ABCF2: variants seen among roughly 807,000 people sequenced by gnomAD.
ABCF2 encodes ATP-binding cassette sub-family F member 2.
Under a neutral mutation model 76.9 loss-of-function variants are expected in ABCF2, and 37 were observed. The ratio of observed to expected loss-of-function variants is 0.48; its 90% confidence interval spans 0.37 to 0.63. ABCF2 has a LOEUF of 0.63. Ranked by LOEUF, ABCF2 falls within the 30% of genes least tolerant of loss-of-function variation. The pLI, the probability that ABCF2 is intolerant of heterozygous loss-of-function variation, is 0.00. For synonymous variants in ABCF2, 299 were observed against 283.7 expected, an observed-to-expected ratio of 1.05 and a Z score of -0.54; for missense variants, 524 against 782.1, an observed-to-expected ratio of 0.67 and a Z score of 3.94.
chr7:151,218,278 C>G (rs1802192409), intron 10 of ABCF2, 87 bp from the exon 11 acceptor site: 1 of 978,712 alleles, frequency 1.0e-6, no homozygotes, highest in African/African-American at 1.6e-5. Flanking sequence ...AATTCCCAGT[C>G]ACCAAGAGAG....
chr7:151,219,201 G>A (rs1218430470), intron 7 of ABCF2, 42 bp from the exon 8 acceptor site: 1 of 1,563,972 alleles, frequency 6.4e-7, no homozygotes. Context: ...GCTTTAACCT[G>A]GGTTTCAATC....
At chr7:151,223,597 C>A (rs999987207) in intron 5 of ABCF2, 81 bp downstream of exon 5, 39 of 1,460,122 alleles carry the variant, frequency 2.7e-5, no homozygotes, top group Admixed American at 4.4e-5. Context: ...GACTCCTGTT[C>A]CAAACAGTTC....
chr7:151,213,441 G>A lies in ABCF2; in HGVS notation c.*613C>T, dbSNP rs1429575877. Reference sequence around the variant, plus strand: ...ACTGACGCTGGATCCAGCTCCTGCTGTGGGCAGTGCATGTTGGCACTGCAG... The same window carrying A: ...ACTGACGCTGGATCCAGCTCCTGCTATGGGCAGTGCATGTTGGCACTGCAG... On this transcript the variant is annotated 3_prime_UTR_variant, in exon 15 of 15. Coordinates refer to ENST00000287844, the MANE Select transcript of ABCF2 (RefSeq NM_007189.3). 6 of 985,174 alleles carry A rather than the reference G, an allele frequency of 6.1e-6. No homozygotes were observed. The highest frequency in any genetic ancestry group is 7.2e-6 in the Non-Finnish European group (6 of 829,704). 61.0% of individuals were successfully genotyped at this position (985,174 alleles called of 1,614,324 possible).
rs763245839 is a variant in ABCF2, at chr7:151,215,528, A to G, written c.1530+76T>C. The G allele has an allele frequency of 2.2e-4, 353 of 1,578,532 alleles. No homozygotes were observed. The highest frequency in any genetic ancestry group is 2.9e-4 in the Non-Finnish European group (334 of 1,158,964). ...GGACAGCTTCCAAACCCAGGCTGCCAGGACAGTATCCCCTGACCCACCCAG... is the reference window on the plus strand; with the variant it reads ...GGACAGCTTCCAAACCCAGGCTGCCGGGACAGTATCCCCTGACCCACCCAG... On this transcript the variant is annotated intron_variant, in intron 13 of 14. Transcript: ENST00000287844. This position sits in a 1 kb window ranked among gnomAD's most constrained non-coding sequence, Gnocchi z 4.6.
rs1425466403 is a variant in ABCF2, at chr7:151,213,320, A to C, written c.*734T>G. On this transcript the variant is annotated 3_prime_UTR_variant, in exon 15 of 15. Coordinates refer to ENST00000287844, the MANE Select transcript of ABCF2 (RefSeq NM_007189.3). ...ATTCTGATTCATGTTAAAGTCTGTG[A>C]ATCACAGGCCTGAGAAAAGGTACAA... 4 of 984,758 alleles carry C rather than the reference A, an allele frequency of 4.1e-6. No individual in the cohort carries two copies. The highest frequency in any genetic ancestry group is 4.8e-6 in the Non-Finnish European group (4 of 829,456). The allele number at this position is 984,758 out of a possible 1,614,324, so 61.0% of individuals were successfully genotyped here.
At chr7:151,218,686 CT>C (rs768386601) in intron 9 of ABCF2, 36 bp from the exon 10 acceptor site, 16 of 1,613,538 alleles carry the variant, frequency 9.9e-6, no homozygotes, top group Middle Eastern at 3.3e-4. Flanking sequence ...AAGTTGGCTC[CT>C]TTCTTATCCA....
At chr7:151,220,734 T>A (rs1802250244) in intron 7 of ABCF2, among the ~76,000 whole-genome samples, 1 of 152,180 alleles carries the variant, frequency 6.6e-6, no homozygotes, top group Non-Finnish European at 1.5e-5. Context: ...ATGCCTGTTA[T>A]CCCAGCACTT....
At chr7:151,225,548 C>T (rs1421603926) in intron 2 of ABCF2, among the ~76,000 whole-genome samples, 1 of 152,178 alleles carries the variant, frequency 6.6e-6, no homozygotes, top group Admixed American at 6.5e-5. Context: ...TTGAGCTGGG[C>T]CTTGACAGAA....
rs1310199509 is a variant in ABCF2, at chr7:151,218,173, G to C, written c.1246C>G (p.Leu416Val). ...GTGTCAAGGTCAATTCCAAATTCTA[G>C]ATTATTGTAGATGCAAGGCTGAGGT... ...TKDGPCIYNN[L>V]EFGIDLDTRV... is the part of the protein sequence containing the mutation. The change falls in exon 11 of 15, where the codon CTA (leucine) becomes GTA (valine). Residue 416 changes from leucine (L) to valine (V), a missense_variant. Leu to Val is a conservative substitution (Grantham distance 32). Transcript: ENST00000287844. 2 of 1,613,076 alleles carry C rather than the reference G, an allele frequency of 1.2e-6. No individual in the cohort carries two copies. The highest frequency in any genetic ancestry group is 1.1e-5 in the South Asian group (1 of 91,064).
intron 11 of ABCF2, among the ~76,000 whole-genome samples, chr7:151,217,013 C>T (rs1802164707): frequency 6.6e-6 from 1 of 152,220 alleles, no homozygotes; most frequent in Non-Finnish European, 1.5e-5. Flanking sequence ...CCTCCTACCA[C>T]CACACAGTTA....
In ABCF2 at chr7:151,222,078, G is replaced by A. The variant is rs17173745; in HGVS notation, c.819-398C>T. ...TTTTGAAAGAAGGTACTAAGTCATC[G>A]TACCACTAAAAGCCTTCTTTTAAAA... On this transcript the variant is annotated intron_variant, in intron 6 of 14. Transcript: ENST00000287844. The A allele has an allele frequency of 6.6e-3, 1,251 of 190,246 alleles. 9 individuals carry two copies. Among genetic ancestry groups the A allele is most frequent in the African/African-American group, 0.027 (1,126 of 42,464 alleles). 11.8% of individuals were successfully genotyped at this position (190,246 alleles called of 1,614,324 possible). A position where few individuals can be genotyped will look rare whatever the true frequency, so the allele number is the denominator to read the frequency against.
intron 6 of ABCF2, among the ~76,000 whole-genome samples, chr7:151,222,238 T>A (rs35583503): frequency 0.09 from 13,381 of 149,384 alleles, 633 homozygotes; most frequent in Admixed American, 0.12. Context: ...AGAAAAAAAA[T>A]ATATCTTTAA....
chr7:151,216,456 T>TA (rs1227621287), intron 11 of ABCF2, among the ~76,000 whole-genome samples: 1 of 152,188 alleles, frequency 6.6e-6, no homozygotes, highest in Non-Finnish European at 1.5e-5. Context: ...CTAACTGATA[T>TA]AAACAAGAAT....
At chr7:151,216,332 AAC>A (rs914839347) in intron 11 of ABCF2, among the ~76,000 whole-genome samples, 43 of 152,362 alleles carry the variant, frequency 2.8e-4, no homozygotes, top group African/African-American at 1.0e-3. Context: ...TAAAATTAAA[AAC>A]AGTTAAGTCC....
chr7:151,226,137 G>A (rs1045695169), intron 2 of ABCF2, among the ~76,000 whole-genome samples, 168 bp downstream of exon 2: 1 of 152,146 alleles, frequency 6.6e-6, no homozygotes, highest in African/African-American at 2.4e-5. Context: ...GCTTCCTTGC[G>A]CAATGACAGG....
At chr7:151,225,112 G>A in intron 2 of ABCF2, 124 bp from the exon 3 acceptor site, 1 of 857,762 alleles carries the variant, frequency 1.2e-6, no homozygotes, top group South Asian at 1.4e-5. Flanking sequence ...AAACTTTACA[G>A]AGTGCACAAT....
intron 7 of ABCF2, among the ~76,000 whole-genome samples, chr7:151,220,342 T>C (rs1466721694): frequency 7.6e-6 from 1 of 131,124 alleles, no homozygotes; most frequent in Non-Finnish European, 1.5e-5. Context: ...TGAGCCCAGA[T>C]CGCGCCACTG....
Position 151,213,386 on chromosome 7 carries a change from T to G in ABCF2, c.*668A>C. 1 of 985,356 alleles carries G rather than the reference T, an allele frequency of 1.0e-6. No homozygotes were observed. Among genetic ancestry groups the G allele is most frequent in the Non-Finnish European group, 1.2e-6 (1 of 829,904 alleles). 61.0% of individuals were successfully genotyped at this position (985,356 alleles called of 1,614,324 possible). A position where few individuals can be genotyped will look rare whatever the true frequency, so the allele number is the denominator to read the frequency against. On this transcript the variant is annotated 3_prime_UTR_variant, in exon 15 of 15. Coordinates refer to ENST00000287844, the MANE Select transcript of ABCF2 (RefSeq NM_007189.3). Reference sequence around the variant, plus strand: ...AAAGGGACAAAGTTCTTCCAGCTCCTATGGACTAGTCTTCAGTTCCCATCG... The same window carrying G: ...AAAGGGACAAAGTTCTTCCAGCTCCGATGGACTAGTCTTCAGTTCCCATCG...
chr7:151,224,352 G>A (rs1156528301), intron 3 of ABCF2, among the ~76,000 whole-genome samples: 2 of 151,688 alleles, frequency 1.3e-5, no homozygotes, highest in African/African-American at 4.8e-5. Context: ...AGCTTCACAC[G>A]CCCCTGACCA....
Sources: gnomAD v4.1 joint callset for allele counts (sites outside exome capture counted in the v4.1 genomes callset) on GRCh38, gnomAD v4.1.1 for gene constraint, Gnocchi (gnomAD v3.1) non-coding constraint, MANE v1.5 for transcripts, NCBI Gene and HGNC (gene_info 2026-07-23, HGNC 2026-07-21) for gene names.